The following ZNF423 variants were observed in gnomAD, a reference collection of about 807,000 sequenced individuals.
ZNF423 encodes the protein zinc finger protein 423, also known as Ebf-associated zinc finger protein.
ZNF423 carries 12 observed loss-of-function variants against 95.8 expected under a neutral mutation model. The observed-to-expected ratio is 0.13, with a 90% CI of 0.08 to 0.20. The LOEUF (loss-of-function observed/expected upper bound fraction) is 0.20, where lower values mean the gene tolerates loss of function less well. Among genes scored for constraint, ZNF423 ranks in the 10% least tolerant of loss-of-function variants. The pLI, the probability that ZNF423 is intolerant of heterozygous loss-of-function variation, is 1.00. For missense variants in ZNF423, 1,316 were observed against 1,737.1 expected (o/e 0.76, Z 4.31); for synonymous variants, 749 against 711.9 (o/e 1.05, Z -0.83).
intron 5 of ZNF423, among the ~76,000 whole-genome samples, chr16:49,596,164 T>C (rs1311867498): frequency 6.6e-6 from 1 of 152,214 alleles, no homozygotes; most frequent in East Asian, 1.9e-4. Context: ...GGCATGCTTT[T>C]ACATTGGGAA....
At chr16:49,663,340 G>A (rs1014285183) in intron 3 of ZNF423, among the ~76,000 whole-genome samples, 3 of 152,166 alleles carry the variant, frequency 2.0e-5, no homozygotes, top group Admixed American at 6.5e-5. Context: ...CTCTTCCTGA[G>A]GAGAACAAGT....
chr16:49,743,690 A>G (rs1194848764), intron 2 of ZNF423, among the ~76,000 whole-genome samples: 2 of 151,908 alleles, frequency 1.3e-5, no homozygotes, highest in African/African-American at 4.8e-5. Flanking sequence ...TAGGGCCTCT[A>G]TTATAACCCA....
chr16:49,536,539 C>T (rs1233286450), intron 5 of ZNF423, among the ~76,000 whole-genome samples: 2 of 149,922 alleles, frequency 1.3e-5, no homozygotes. Flanking sequence ...AACTTCTGGG[C>T]TCAAGAGATC....
At chr16:49,856,746 G>A (rs1265154792), upstream of ZNF423, among the ~76,000 whole-genome samples, 1 of 147,838 alleles carries the variant, frequency 6.8e-6, no homozygotes, top group African/African-American at 2.4e-5. Flanking sequence ...GCATCGCTCA[G>A]CCCGTGCGCC....
At chr16:49,814,901 A>G (rs4077247) in intron 1 of ZNF423, among the ~76,000 whole-genome samples, 59,292 of 151,894 alleles carry the variant, frequency 0.39, 11,928 homozygotes, top group Admixed American at 0.48. Flanking sequence ...GGAGGCGGTC[A>G]GGTCTCTTCT....
At chr16:49,833,229 C>A (rs2035080118) in intron 1 of ZNF423, among the ~76,000 whole-genome samples, 1 of 152,244 alleles carries the variant, frequency 6.6e-6, no homozygotes, top group Non-Finnish European at 1.5e-5. Context: ...CAGGGGAACA[C>A]CACTCCGCAG....
In ZNF423 at chr16:49,818,976, G is replaced by A. The variant is rs1054519743; in HGVS notation, c.41-29430C>T. Among the ~76,000 whole-genome samples the A allele has an allele frequency of 5.9e-5, 9 of 152,078 alleles. No homozygotes were observed. The East Asian group carries it at 7.7e-4, about 13-fold the overall frequency. On this transcript the variant is annotated intron_variant, in intron 1 of 7. Transcript: ENST00000563137. ...CAAATTTAAAATGGCAGCTCTGGCC[G>A]GGTGCAGTGGCTCATGCCTGTAATC... is the stretch of plus-strand genomic sequence containing the variant.
chr16:49,854,768 G>A, intron 1 of ZNF423: 1 of 985,408 alleles, frequency 1.0e-6, no homozygotes, highest in Non-Finnish European at 1.2e-6. Context: ...CTCTCCAGGG[G>A]TCCCCTCGAG....
chr16:49,788,184 C>T (rs890722285), intron 2 of ZNF423, among the ~76,000 whole-genome samples: 17 of 152,208 alleles, frequency 1.1e-4, no homozygotes, highest in African/African-American at 3.9e-4. Context: ...CACCAAGGGC[C>T]AGGGCACCTG....
chr16:49,852,273 C>T (rs567514683), intron 1 of ZNF423, among the ~76,000 whole-genome samples: 1 of 152,088 alleles, frequency 6.6e-6, no homozygotes, highest in East Asian at 1.9e-4. Context: ...ATAGCCTGAG[C>T]GCTAATTAAT....
At chr16:49,588,216 T>A (rs904609474) in intron 5 of ZNF423, among the ~76,000 whole-genome samples, 1 of 152,282 alleles carries the variant, frequency 6.6e-6, no homozygotes, top group Non-Finnish European at 1.5e-5. Context: ...CTCAGTAAGT[T>A]GTACTGGGGG....
At chr16:49,680,655 T>A (rs1489382998) in intron 3 of ZNF423, among the ~76,000 whole-genome samples, 1 of 152,110 alleles carries the variant, frequency 6.6e-6, no homozygotes, top group Non-Finnish European at 1.5e-5. Context: ...AGCCACAGCC[T>A]CACATGGAAC....
chr16:49,698,793 C>T (rs117081670), intron 3 of ZNF423, among the ~76,000 whole-genome samples: 14,451 of 152,286 alleles, frequency 0.095, 909 homozygotes, highest in Non-Finnish European at 0.14. Flanking sequence ...AGCCCGGCCG[C>T]CGGAGCCGCC....
At chr16:49,582,070 C>T (rs910172782) in intron 5 of ZNF423, among the ~76,000 whole-genome samples, 1 of 152,228 alleles carries the variant, frequency 6.6e-6, no homozygotes, top group African/African-American at 2.4e-5. Flanking sequence ...ACCCATGCAA[C>T]TCACCACGCT....
chr16:49,757,358 G>A (rs890062483), intron 2 of ZNF423, among the ~76,000 whole-genome samples: 4 of 152,174 alleles, frequency 2.6e-5, no homozygotes, highest in African/African-American at 7.2e-5. Flanking sequence ...TCAGTAATGA[G>A]TCATAAAACC....
rs369820666 is a variant in ZNF423 at position 49,577,808 on chromosome 16, A to G, written c.3601+48362T>C. Among the ~76,000 whole-genome samples, 12 of 152,334 alleles carry G rather than the reference A, an allele frequency of 7.9e-5. No individual in the cohort carries two copies. In the East Asian group the frequency reaches 2.3e-3, roughly 29 times the overall value. ...AGCTTCTGTCCTCCTTCCACCATGCAGGTGCAAGAGGCCTCTCCAGGACAT... is the reference window on the plus strand; with the variant it reads ...AGCTTCTGTCCTCCTTCCACCATGCGGGTGCAAGAGGCCTCTCCAGGACAT... On this transcript the variant is annotated intron_variant, in intron 5 of 7. Transcript: ENST00000563137.
chr16:49,718,051 T>G (rs1350716284), intron 3 of ZNF423, among the ~76,000 whole-genome samples: 1 of 152,120 alleles, frequency 6.6e-6, no homozygotes, highest in Admixed American at 6.5e-5. Flanking sequence ...GCAGGAACTG[T>G]TGTCTGTTTT....
At chr16:49,584,314 A>G (rs1330324128) in intron 5 of ZNF423, among the ~76,000 whole-genome samples, 1 of 152,142 alleles carries the variant, frequency 6.6e-6, no homozygotes, top group East Asian at 1.9e-4. Flanking sequence ...CTGGGCCTCT[A>G]TTGTGGAATG....
At chr16:49,745,429 T>C (rs1022446455) in intron 2 of ZNF423, among the ~76,000 whole-genome samples, 1 of 152,216 alleles carries the variant, frequency 6.6e-6, no homozygotes, top group Non-Finnish European at 1.5e-5. Context: ...GCACTTGTTA[T>C]GAAGGAATTA....
Sources: allele counts gnomAD v4.1 joint callset (sites outside exome capture counted in the v4.1 genomes callset), GRCh38; gene constraint gnomAD v4.1.1; transcripts MANE v1.5; gene names NCBI Gene and HGNC (gene_info 2026-07-23, HGNC 2026-07-21).